DSG2: variants seen among roughly 807,000 people sequenced by gnomAD.
DSG2 encodes desmoglein 2, also known as desmoglein-2.
In DSG2, 45 loss-of-function variants were observed where a neutral mutation model predicts 75.6. The ratio of observed to expected loss-of-function variants is 0.60; its 90% confidence interval spans 0.47 to 0.76. The LOEUF (loss-of-function observed/expected upper bound fraction) is 0.76, where lower values mean the gene tolerates loss of function less well. DSG2 is among the 30% of genes least tolerant of loss of function. The pLI is 0.00. For missense variants in DSG2, 1,267 were observed against 1,357.4 expected (o/e 0.93, Z 1.05); for synonymous variants, 429 against 483.9 (o/e 0.89, Z 1.49).
chr18:31,498,584 G>A (rs1224322902), intron 1 of DSG2, among the ~76,000 whole-genome samples: 1 of 152,212 alleles, frequency 6.6e-6, no homozygotes, highest in Admixed American at 6.5e-5. Context: ...TGGTGTGTGG[G>A]TGTAGTGAGC....
At chr18:31,522,276 C>A in intron 6 of DSG2, 27 bp downstream of exon 6, 1 of 1,597,960 alleles carries the variant, frequency 6.3e-7, no homozygotes, top group Non-Finnish European at 8.6e-7. Context: ...TGTTGCCCAT[C>A]TTTAAACTCT....
At chr18:31,545,380 T>C (rs1046918775) in intron 14 of DSG2, among the ~76,000 whole-genome samples, 6 of 152,232 alleles carry the variant, frequency 3.9e-5, no homozygotes, top group African/African-American at 1.4e-4. Flanking sequence ...AATATTGACA[T>C]AGTCCATATT....
At position 31,535,273 on chromosome 18, in the gene DSG2, T is replaced by C. The variant is rs202095254; in HGVS notation, c.1284T>C (p.Tyr428=). 3.2e-5 allele frequency: 50 copies of C among 1,581,408 alleles called. No homozygotes were observed. Among genetic ancestry groups the C allele is most frequent in the African/African-American group, 4.0e-5 (3 of 74,410 alleles). Reference sequence around the variant, plus strand: ...TTTTATGTTTGTTTTATGACAGATATGTAAAATTAGAAGATAGAGATAATT... The same window carrying C: ...TTTTATGTTTGTTTTATGACAGATACGTAAAATTAGAAGATAGAGATAATT... The part of the protein sequence containing the change: ...EDTGLPAHAR[Y]VKLEDRDNWI... The change falls in exon 10 of 15, where the codon TAT becomes TAC. Residue 428 remains tyrosine (Y), a synonymous_variant. Coordinates refer to ENST00000261590, the MANE Select transcript of DSG2 (RefSeq NM_001943.5).
chr18:31,543,884 A>T (rs2073286771), intron 14 of DSG2, among the ~76,000 whole-genome samples: 1 of 151,272 alleles, frequency 6.6e-6, no homozygotes, highest in Non-Finnish European at 1.5e-5. Flanking sequence ...AAAAAAAAAA[A>T]GTATAACATA....
At chr18:31,501,373 T>C (rs2073012737) in intron 1 of DSG2, among the ~76,000 whole-genome samples, 1 of 152,230 alleles carries the variant, frequency 6.6e-6, no homozygotes, top group African/African-American at 2.4e-5. Flanking sequence ...GATCACACTG[T>C]GAGCAGATAT....
intron 8 of DSG2, among the ~76,000 whole-genome samples, chr18:31,530,429 A>AT: frequency 6.6e-6 from 1 of 152,190 alleles, no homozygotes; most frequent in African/African-American, 2.4e-5. Context: ...GTGTGTGTGT[A>AT]TGTTTTGAGA....
rs780303998 is a variant in DSG2, at chr18:31,542,581, G to A, written c.2063G>A (p.Gly688Glu). The A allele has an allele frequency of 1.2e-6, 2 of 1,614,152 alleles. No homozygotes were observed. The highest frequency in any genetic ancestry group is 3.3e-5 in the Admixed American group (2 of 60,020). Reference sequence around the variant, plus strand: ...AGTCTAGTAGGAAGAAATGGAGTAGGAGGTATGGCCAAGGAAGCCACGATG... The same window carrying A: ...AGTCTAGTAGGAAGAAATGGAGTAGAAGGTATGGCCAAGGAAGCCACGATG... Reference protein sequence around the residue: ...GGSLVGRNGVGGMAKEATMKG... With the variant: ...GGSLVGRNGVEGMAKEATMKG... Residue 688 changes from glycine (G) to glutamate (E), a missense_variant, in exon 14 of 15, where the codon GGA becomes GAA. By Grantham distance (98) the Gly-to-Glu change is moderately conservative (BLOSUM62 -2). Coordinates refer to ENST00000261590, the MANE Select transcript of DSG2 (RefSeq NM_001943.5).
chr18:31,509,571 T>C (rs2073056155), intron 1 of DSG2, among the ~76,000 whole-genome samples: 1 of 152,232 alleles, frequency 6.6e-6, no homozygotes, highest in South Asian at 2.1e-4. Flanking sequence ...AAATAAGTTA[T>C]GCTGGTTAGC....
intron 12 of DSG2, among the ~76,000 whole-genome samples, chr18:31,540,582 A>C (rs1198246059): frequency 6.6e-6 from 1 of 152,206 alleles, no homozygotes; most frequent in Non-Finnish European, 1.5e-5. Flanking sequence ...AGCTGTAGTT[A>C]ATGTGCTGTT....
At position 31,542,768 on chromosome 18, in the gene DSG2, C is replaced by A; in HGVS notation, c.2250C>A (p.Ala750=). ...CTGAAACCACGAAGACCGCAAGGGC[C>A]ACAGGGGCTTCCAGAGACATGGCCG... ...MTTETTKTAR[A]TGASRDMAGA... is the part of the protein sequence containing the mutation. Residue 750 remains alanine, a synonymous_variant, in exon 14 of 15, where the codon GCC becomes GCA. Transcript: ENST00000261590. 1 of 1,612,060 alleles carries A rather than the reference C, an allele frequency of 6.2e-7. No homozygotes were observed. The highest frequency in any genetic ancestry group is 8.5e-7 in the Non-Finnish European group (1 of 1,179,120).
At position 31,546,887 on chromosome 18, in the gene DSG2, G is replaced by A; in HGVS notation, c.*144G>A. 2 of 830,652 alleles carry A rather than the reference G, an allele frequency of 2.4e-6. No homozygotes were observed. Among genetic ancestry groups the A allele is most frequent in the Non-Finnish European group, 2.0e-6 (1 of 490,426 alleles). 51.5% of individuals were successfully genotyped at this position (830,652 alleles called of 1,614,324 possible). On this transcript the variant is annotated 3_prime_UTR_variant, in exon 15 of 15. Transcript: ENST00000261590. The stretch of plus-strand genomic sequence containing the variant: ...TAAAATTTTTCTCAGTCACTGATAT[G>A]CAAAGGACCACACTGTCTCTGCTTC...
chr18:31,534,289 G>C (rs2073215249), intron 9 of DSG2, among the ~76,000 whole-genome samples: 1 of 151,844 alleles, frequency 6.6e-6, no homozygotes, highest in Non-Finnish European at 1.5e-5. Context: ...TGCTTGGCCA[G>C]TTACATACGT....
At chr18:31,502,284 A>G (rs1222079335) in intron 1 of DSG2, among the ~76,000 whole-genome samples, 2 of 152,196 alleles carry the variant, frequency 1.3e-5, no homozygotes, top group East Asian at 3.8e-4. Flanking sequence ...ATAAATATGT[A>G]TTTATAGAAA....
At position 31,524,815 on chromosome 18, in the gene DSG2, C is replaced by A. The variant is rs397516712; in HGVS notation, c.941C>A (p.Ser314Ter). ...TGGCTGGCAAATTTTACATTTGCAT[C>A]AGGAAATGAAGGAGGTTATTTCCAC... ...DNWLANFTFA[S>*]GNEGGYFHIE... is the part of the protein sequence containing the mutation. The change falls in exon 8 of 15, where the codon TCA becomes TAA. Residue 314 changes from serine to a stop codon, truncating the protein, a stop_gained. Transcript: ENST00000261590. LOFTEE classifies it high-confidence loss of function. 3 of 1,614,064 alleles carry A rather than the reference C, an allele frequency of 1.9e-6. No homozygotes were observed. The highest frequency in any genetic ancestry group is 2.5e-6 in the Non-Finnish European group (3 of 1,179,988).
At chr18:31,507,131 G>A (rs573479742) in intron 1 of DSG2, among the ~76,000 whole-genome samples, 10 of 65,994 alleles carry the variant, frequency 1.5e-4, no homozygotes, top group African/African-American at 6.5e-4. Context: ...CTGTGTCCAT[G>A]TGTTCTCGTT....
In DSG2 at chr18:31,524,752, T is replaced by A; in HGVS notation, c.878T>A (p.Ile293Lys). ...ENQVNVEVTR[I>K]KVFDADEIGS... ...CAAGTCAACGTAGAAGTTACGCGCA[T>A]AAAAGTGTTCGATGCAGATGAAATA... The change falls in exon 8 of 15, where the codon ATA becomes AAA. Residue 293 changes from isoleucine (I) to lysine (K), a missense_variant. Physicochemically the swap from Ile to Lys is moderately radical, Grantham distance 102. Coordinates refer to ENST00000261590, the MANE Select transcript of DSG2 (RefSeq NM_001943.5). The A allele has an allele frequency of 6.2e-7, 1 of 1,614,200 alleles. No individual in the cohort carries two copies. Among genetic ancestry groups the A allele is most frequent in the African/African-American group, 1.3e-5 (1 of 75,056 alleles).
In DSG2 at chr18:31,524,838, C is replaced by T. The variant is rs536999829; in HGVS notation, c.964C>T (p.His322Tyr). The T allele has an allele frequency of 1.9e-6, 3 of 1,614,052 alleles. No homozygotes were observed. The South Asian group carries it at 3.3e-5, about 18-fold the overall frequency. ...FASGNEGGYF[H>Y]IETDAQTNEG... ...ATCAGGAAATGAAGGAGGTTATTTC[C>T]ACATAGAAACAGATGCTCAAACTAA... The change falls in exon 8 of 15, where the codon CAC (histidine) becomes TAC (tyrosine). Residue 322 changes from histidine to tyrosine, a missense_variant. His to Tyr is a moderately conservative substitution (Grantham distance 83, BLOSUM62 2). Transcript: ENST00000261590.
At chr18:31,532,341 G>A (rs1340981807) in intron 9 of DSG2, among the ~76,000 whole-genome samples, 1 of 151,908 alleles carries the variant, frequency 6.6e-6, no homozygotes, top group East Asian at 1.9e-4. Flanking sequence ...TCATGAGGGT[G>A]GTGCCCTCAT....
chr18:31,516,412 A>ATT (rs1475756358), intron 1 of DSG2, among the ~76,000 whole-genome samples: 13 of 152,244 alleles, frequency 8.5e-5, no homozygotes, highest in Non-Finnish European at 1.6e-4. Context: ...ACATGGGGTC[A>ATT]TCTCATAAGA....
Sources: allele counts gnomAD v4.1 joint callset (sites outside exome capture counted in the v4.1 genomes callset), GRCh38; gene constraint gnomAD v4.1.1; transcripts MANE v1.5; gene names NCBI Gene and HGNC (gene_info 2026-07-23, HGNC 2026-07-21).